The following LRRC4C variants were observed in gnomAD, a reference collection of about 807,000 sequenced individuals.
LRRC4C encodes the protein leucine-rich repeat-containing protein 4C.
In LRRC4C, 5 loss-of-function variants were observed where a neutral mutation model predicts 33.6. That is an observed-to-expected ratio of 0.15 (90% CI 0.08 to 0.31). LRRC4C has a LOEUF of 0.31. Ranked by LOEUF, LRRC4C falls within the 10% of genes least tolerant of loss-of-function variation. The probability of loss-of-function intolerance (pLI) is 1.00; values close to 1 mark genes in which losing one functional copy is unlikely to be tolerated. For missense variants in LRRC4C, 560 were observed against 796.7 expected, an observed-to-expected ratio of 0.70 and a Z score of 3.58; for synonymous variants, 329 against 302.0, an observed-to-expected ratio of 1.09 and a Z score of -0.93.
intron 4 of LRRC4C, among the ~76,000 whole-genome samples, chr11:40,260,096 C>T (rs1386628123): frequency 7.6e-6 from 1 of 132,230 alleles, no homozygotes; most frequent in African/African-American, 2.9e-5. Flanking sequence ...TATAAAGACA[C>T]ATGCACACGT....
intron 4 of LRRC4C, among the ~76,000 whole-genome samples, chr11:40,263,187 G>A (rs1467462942): frequency 2.0e-5 from 3 of 152,032 alleles, no homozygotes; most frequent in Non-Finnish European, 4.4e-5. Flanking sequence ...CTGAGGTAGA[G>A]GGGAAATATA....
At chr11:40,586,313 AT>A (rs1958739917) in intron 3 of LRRC4C, among the ~76,000 whole-genome samples, 1 of 149,848 alleles carries the variant, frequency 6.7e-6, no homozygotes, top group Non-Finnish European at 1.5e-5. Context: ...CCACTTTTTG[AT>A]GGGGTTGTTT....
At chr11:41,437,070 T>C in intron 1 of LRRC4C, among the ~76,000 whole-genome samples, 1 of 152,328 alleles carries the variant, frequency 6.6e-6, no homozygotes, top group East Asian at 1.9e-4. Context: ...AGAAAATTAC[T>C]GTTACTAAAT....
intron 4 of LRRC4C, among the ~76,000 whole-genome samples, chr11:40,313,753 G>A (rs1382022590): frequency 2.0e-5 from 3 of 148,102 alleles, no homozygotes; most frequent in East Asian, 2.0e-4. Context: ...GACTACAGGC[G>A]CCCGCCATCA....
intron 1 of LRRC4C, among the ~76,000 whole-genome samples, chr11:41,268,733 A>G (rs974556253): frequency 1.3e-5 from 2 of 152,222 alleles, no homozygotes; most frequent in South Asian, 2.1e-4. Flanking sequence ...GAATTTCAGT[A>G]GTTGATGCAA....
chr11:40,701,653 A>G (rs1416224180), intron 2 of LRRC4C, among the ~76,000 whole-genome samples: 1 of 149,790 alleles, frequency 6.7e-6, no homozygotes, highest in African/African-American at 2.4e-5. Context: ...TATATAAAAC[A>G]TAAAGATTTT....
chr11:40,434,617 T>C (rs1951071648), intron 3 of LRRC4C, among the ~76,000 whole-genome samples: 1 of 149,980 alleles, frequency 6.7e-6, no homozygotes, highest in South Asian at 2.1e-4. Context: ...CTCAATCAGG[T>C]GGGGAAAAAA....
At chr11:40,444,006 A>G (rs559933064) in intron 3 of LRRC4C, among the ~76,000 whole-genome samples, 2 of 152,358 alleles carry the variant, frequency 1.3e-5, no homozygotes, top group South Asian at 4.1e-4. Context: ...ATTCAATACA[A>G]CAAATTCTGT....
chr11:41,014,317 T>C (rs980255132), intron 1 of LRRC4C, among the ~76,000 whole-genome samples: 1 of 152,196 alleles, frequency 6.6e-6, no homozygotes, highest in South Asian at 2.1e-4. Context: ...CTCAAGGTTA[T>C]TGACCTTGGC....
chr11:40,762,632 G>A (rs1158925189), intron 2 of LRRC4C, among the ~76,000 whole-genome samples: 5 of 152,222 alleles, frequency 3.3e-5, no homozygotes, highest in Non-Finnish European at 7.4e-5. Context: ...GTATTTTGAT[G>A]AAAAGGGAGA....
At chr11:40,224,582 G>A (rs1161600037) in intron 5 of LRRC4C, among the ~76,000 whole-genome samples, 2 of 152,192 alleles carry the variant, frequency 1.3e-5, no homozygotes, top group African/African-American at 4.8e-5. Flanking sequence ...ATAGGTATAT[G>A]AGAAAATAGC....
intron 5 of LRRC4C, among the ~76,000 whole-genome samples, chr11:40,172,530 T>A (rs962880930): frequency 6.6e-6 from 1 of 152,102 alleles, no homozygotes; most frequent in Admixed American, 6.6e-5. Context: ...TTATAATTTT[T>A]ATGCTCCCTT....
chr11:41,206,325 C>G (rs1170045999), intron 1 of LRRC4C, among the ~76,000 whole-genome samples: 2 of 152,136 alleles, frequency 1.3e-5, no homozygotes, highest in Non-Finnish European at 2.9e-5. Flanking sequence ...CAGGCAGCCT[C>G]AACTCAAAAC....
At chr11:41,405,816 A>C (rs908633292) in intron 1 of LRRC4C, among the ~76,000 whole-genome samples, 2 of 152,174 alleles carry the variant, frequency 1.3e-5, no homozygotes, top group African/African-American at 4.8e-5. Flanking sequence ...TTTATTTAAC[A>C]CCTACTATGT....
intron 2 of LRRC4C, among the ~76,000 whole-genome samples, chr11:40,917,423 C>A (rs1191001210): frequency 6.6e-6 from 1 of 152,068 alleles, no homozygotes; most frequent in African/African-American, 2.4e-5. Context: ...AGAGCATTTG[C>A]AGGATATTAT....
At chr11:40,768,515 CA>C (rs1949593485) in intron 2 of LRRC4C, among the ~76,000 whole-genome samples, 1 of 151,936 alleles carries the variant, frequency 6.6e-6, no homozygotes, top group South Asian at 2.1e-4. Context: ...ACACTGATAC[CA>C]AAGTCAGAAA....
intron 3 of LRRC4C, among the ~76,000 whole-genome samples, chr11:40,592,460 T>C (rs1200642143): frequency 6.6e-6 from 1 of 152,184 alleles, no homozygotes. Context: ...CTATTAATCC[T>C]ACTAGTCTGG....
At chr11:40,915,496 T>G (rs1002432614) in intron 2 of LRRC4C, among the ~76,000 whole-genome samples, 4 of 152,280 alleles carry the variant, frequency 2.6e-5, no homozygotes, top group Non-Finnish European at 2.9e-5. Flanking sequence ...TAGCCATATG[T>G]AGAAAGCTGA....
At chr11:41,108,578 CT>C (rs1941648565) in intron 1 of LRRC4C, among the ~76,000 whole-genome samples, 1 of 152,066 alleles carries the variant, frequency 6.6e-6, no homozygotes, top group Non-Finnish European at 1.5e-5. Flanking sequence ...AGGATATCTA[CT>C]TGTCAAATAT....
Sources: gnomAD v4.1 joint callset for allele counts (sites outside exome capture counted in the v4.1 genomes callset) on GRCh38, gnomAD v4.1.1 for gene constraint, MANE v1.5 for transcripts, NCBI Gene and HGNC (gene_info 2026-07-23, HGNC 2026-07-21) for gene names.